MAMLD1: variants seen among roughly 807,000 people sequenced by gnomAD.
MAMLD1 encodes mastermind-like domain-containing protein 1.
Under a neutral mutation model 45.0 loss-of-function variants are expected in MAMLD1, and 14 were observed. That is an observed-to-expected ratio of 0.31 (90% CI 0.21 to 0.49). MAMLD1 has a LOEUF of 0.49. MAMLD1 is among the 20% of genes least tolerant of loss of function. The pLI, the probability that MAMLD1 is intolerant of heterozygous loss-of-function variation, is 0.99. For missense variants in MAMLD1, 543 were observed against 603.6 expected (o/e 0.90, Z 1.05); for synonymous variants, 254 against 247.8 (o/e 1.02, Z -0.24).
chrX:150,436,686 T>C (rs782741823), intron 1 of MAMLD1, among the ~76,000 whole-genome samples: 26 of 111,920 alleles, frequency 2.3e-4, no homozygotes, highest in Non-Finnish European at 4.5e-4. Flanking sequence ...TTGATGATCA[T>C]CATTTCTATC....
rs1224978717 is a variant in MAMLD1 at position 150,512,485 on chromosome X, T to C, written c.*526T>C. 30 of 1,154,651 alleles carry C rather than the reference T, an allele frequency of 2.6e-5. No individual in the cohort carries two copies. The highest frequency in any genetic ancestry group is 3.6e-5 in the African/African-American group (2 of 55,830). On this transcript the variant is annotated 3_prime_UTR_variant, in exon 8 of 8. Transcript: ENST00000370401. ...AAACACCCCTCAGCCAAGTGGATAA[T>C]AGCGTTCAGCAGCACTCACCTTCTG...
rs2148358248 is a variant in MAMLD1 at position 150,503,516 on chromosome X, A to G, written c.2283A>G (p.Thr761=). The G allele has an allele frequency of 9.3e-7, 1 of 1,080,920 alleles. No homozygotes were observed. Among genetic ancestry groups the G allele is most frequent in the East Asian group, 3.1e-5 (1 of 31,929 alleles). 89.1% of individuals were successfully genotyped at this position (1,080,920 alleles called of 1,213,427 possible). ...CACTACTGCCTAGCTGCGACGCCAC[A>G]GGTAAGTCACTTCCCCCTGAGCCTC... ...PAPLLPSCDA[T]ARGTEIRSYG... The change falls in exon 6 of 8, where the codon ACA becomes ACG. Residue 761 remains threonine (T), a splice_region_variant and synonymous_variant. Coordinates refer to ENST00000370401, the MANE Select transcript of MAMLD1 (RefSeq NM_005491.5).
At chrX:150,493,880 C>A (rs190222045) in intron 5 of MAMLD1, among the ~76,000 whole-genome samples, 71 of 112,165 alleles carry the variant, frequency 6.3e-4, no homozygotes, top group Admixed American at 1.3e-3. Context: ...ACACAAACCT[C>A]ATGGCATAAT....
At chrX:150,455,042 G>A (rs782667021) in intron 2 of MAMLD1, among the ~76,000 whole-genome samples, 1 of 89,326 alleles carries the variant, frequency 1.1e-5, no homozygotes, top group South Asian at 6.9e-4. Context: ...GACACTTCAT[G>A]ATGCAATCAT....
At chrX:150,421,966 A>C (rs2034531378) in intron 1 of MAMLD1, among the ~76,000 whole-genome samples, 1 of 112,415 alleles carries the variant, frequency 8.9e-6, no homozygotes, top group African/African-American at 3.2e-5. Context: ...GGGGAATTGT[A>C]ATCGGTGGAT....
chrX:150,428,685 A>C (rs181207244), intron 1 of MAMLD1, among the ~76,000 whole-genome samples: 1 of 112,280 alleles, frequency 8.9e-6, no homozygotes, highest in Non-Finnish European at 1.9e-5. Flanking sequence ...CTGTGTCCAC[A>C]GGCTAATGTG....
chrX:150,466,276 C>T (rs1557405904), intron 3 of MAMLD1, among the ~76,000 whole-genome samples: 2 of 112,926 alleles, frequency 1.8e-5, no homozygotes, highest in African/African-American at 6.4e-5. Flanking sequence ...AACACAGCCG[C>T]CTCTCCTCGG....
intron 5 of MAMLD1, among the ~76,000 whole-genome samples, chrX:150,483,521 C>G (rs1263201576): frequency 8.9e-6 from 1 of 112,708 alleles, no homozygotes; most frequent in African/African-American, 3.2e-5. Context: ...GATAGACACT[C>G]TCAGTCTTCA....
chrX:150,506,100 GT>G (rs1194045891), intron 6 of MAMLD1, among the ~76,000 whole-genome samples: 1 of 111,862 alleles, frequency 8.9e-6, no homozygotes. Flanking sequence ...ACAAAAGAAG[GT>G]TTTTTTCCTT....
chrX:150,480,541 C>T (rs782688001), intron 5 of MAMLD1, among the ~76,000 whole-genome samples: 31 of 112,122 alleles, frequency 2.8e-4, no homozygotes, highest in Non-Finnish European at 5.1e-4. Flanking sequence ...CACAGGCTCA[C>T]CTCTGCAGGT....
At chrX:150,364,832 C>T (rs1377942567) in intron 1 of MAMLD1, among the ~76,000 whole-genome samples, 5 of 113,222 alleles carry the variant, frequency 4.4e-5, no homozygotes, top group Admixed American at 1.8e-4. Flanking sequence ...CCGGGGTAGA[C>T]CCCCGCGGGA....
At chrX:150,472,250 A>G (rs2036452677) in intron 4 of MAMLD1, among the ~76,000 whole-genome samples, 1 of 112,154 alleles carries the variant, frequency 8.9e-6, no homozygotes, top group East Asian at 2.8e-4. Flanking sequence ...TGTCTATCAC[A>G]GTTCCCAGTT....
intron 1 of MAMLD1, among the ~76,000 whole-genome samples, chrX:150,438,055 A>G (rs1457572551): frequency 9.0e-6 from 1 of 110,533 alleles, no homozygotes; most frequent in Non-Finnish European, 1.9e-5. Flanking sequence ...ATTTCTTTGT[A>G]TCGCTGAGTA....
chrX:150,495,097 T>A (rs5924737), intron 5 of MAMLD1, among the ~76,000 whole-genome samples: 53,564 of 109,771 alleles, frequency 0.49, 10,120 homozygotes, highest in Non-Finnish European at 0.59. Context: ...TCCTAGCTAC[T>A]CAGGAGGCTG....
Position 150,513,620 on chromosome X carries a change from G to A in MAMLD1, c.*1661G>A, listed in dbSNP as rs1309499953. ...CTCTTTTGCGAACCTTTCAGTCTCC[G>A]CTAGCTCTTTCCTAATGAGCTTTAC... On this transcript the variant is annotated 3_prime_UTR_variant, in exon 8 of 8. Transcript: ENST00000370401. 2.0e-5 allele frequency: 6 copies of A among 296,506 alleles called. No individual in the cohort carries two copies. Among genetic ancestry groups the A allele is most frequent in the Non-Finnish European group, 2.9e-5 (5 of 170,748 alleles). The allele number at this position is 296,506 out of a possible 1,213,427, so 24.4% of individuals were successfully genotyped here. A position where few individuals can be genotyped will look rare whatever the true frequency, so the allele number is the denominator to read the frequency against.
chrX:150,402,685 G>A (rs113127992), intron 1 of MAMLD1, among the ~76,000 whole-genome samples: 2 of 111,997 alleles, frequency 1.8e-5, no homozygotes, highest in African/African-American at 3.3e-5. Flanking sequence ...ATGTCCAACA[G>A]TGATAGACTG....
At chrX:150,485,941 C>G (rs953044762) in intron 5 of MAMLD1, among the ~76,000 whole-genome samples, 1 of 111,721 alleles carries the variant, frequency 9.0e-6, no homozygotes, top group African/African-American at 3.3e-5. Context: ...ATGAGGCTGG[C>G]TGTGTAAAGC....
intron 1 of MAMLD1, among the ~76,000 whole-genome samples, chrX:150,438,417 T>C (rs1557404362): frequency 8.9e-6 from 1 of 112,336 alleles, no homozygotes; most frequent in African/African-American, 3.2e-5. Flanking sequence ...ATTTAGTACA[T>C]TCACAATGTT....
chrX:150,364,914 C>G (rs1380428798), intron 1 of MAMLD1, among the ~76,000 whole-genome samples: 1 of 112,249 alleles, frequency 8.9e-6, no homozygotes, highest in Admixed American at 9.3e-5. Flanking sequence ...AGCCGGCGAG[C>G]GACATCGCAG....
Sources: gnomAD v4.1 joint callset for allele counts (sites outside exome capture counted in the v4.1 genomes callset) on GRCh38, gnomAD v4.1.1 for gene constraint, MANE v1.5 for transcripts, NCBI Gene and HGNC (gene_info 2026-07-23, HGNC 2026-07-21) for gene names.